SH3D19: variants seen among roughly 807,000 people sequenced by gnomAD.
SH3D19 encodes the protein SH3 domain-containing protein 19.
A neutral mutation model predicts 112.1 loss-of-function variants in SH3D19; 58 were observed. The ratio of observed to expected loss-of-function variants is 0.52; its 90% confidence interval spans 0.42 to 0.64. SH3D19 has a LOEUF of 0.64. Ranked by LOEUF, SH3D19 falls within the 30% of genes least tolerant of loss-of-function variation. The pLI is 0.00. For synonymous variants in SH3D19, 391 were observed against 448.5 expected, an observed-to-expected ratio of 0.87 and a Z score of 1.62; for missense variants, 1,090 against 1,263.4, an observed-to-expected ratio of 0.86 and a Z score of 2.08.
At chr4:151,166,350 G>A (rs1320644238) in intron 7 of SH3D19, 1 of 152,164 alleles carries the variant, frequency 6.6e-6, no homozygotes, top group East Asian at 1.9e-4. Flanking sequence ...GGTTGTCATT[G>A]AAAGTAATGC....
At position 151,175,569 on chromosome 4, in the gene SH3D19, G is replaced by C; in HGVS notation, c.635C>G (p.Pro212Arg). ...AGCACTGGGGTTTTCTGGACAATTC[G>C]GTTCTTCAGAAATATCAAAGACGAT... ...PLIVFDISEE[P>R]NCPENPSATR... The change falls in exon 7 of 20, where the codon CCG (proline) becomes CGG (arginine). Residue 212 changes from proline to arginine, a missense_variant. Physicochemically the swap from Pro to Arg is moderately radical, Grantham distance 103. Coordinates refer to ENST00000604030, the MANE Select transcript of SH3D19 (RefSeq NM_001378122.1). The C allele has an allele frequency of 7.4e-7, 1 of 1,345,910 alleles. No individual in the cohort carries two copies. The highest frequency in any genetic ancestry group is 9.5e-7 in the Non-Finnish European group (1 of 1,055,554). The allele number at this position is 1,345,910 out of a possible 1,614,324, so 83.4% of individuals were successfully genotyped here.
chr4:151,279,202 G>C, intron 1 of SH3D19: 1 of 263,010 alleles, frequency 3.8e-6, no homozygotes. Context: ...ACTAGAGAAA[G>C]AAGAGAAAGA....
chr4:151,261,963 T>G (rs1772413372), intron 1 of SH3D19, among the ~76,000 whole-genome samples: 2 of 152,198 alleles, frequency 1.3e-5, no homozygotes, highest in Non-Finnish European at 2.9e-5. Context: ...AGAGTACAGC[T>G]TCATTTCTGG....
intron 2 of SH3D19, among the ~76,000 whole-genome samples, chr4:151,213,672 A>T (rs1766355350): frequency 1.3e-5 from 2 of 148,172 alleles, no homozygotes; most frequent in Non-Finnish European, 3.0e-5. Flanking sequence ...ATATGAATTA[A>T]TTAATTAATT....
At position 151,233,931 on chromosome 4, in the gene SH3D19, T is replaced by C. The variant is rs183506851; in HGVS notation, c.113-7845A>G. Among the ~76,000 whole-genome samples the C allele has an allele frequency of 6.6e-5, 10 of 152,356 alleles. No homozygotes were observed. In the East Asian group the frequency reaches 1.2e-3, roughly 18 times the overall value. On this transcript the variant is annotated intron_variant, in intron 1 of 19. Coordinates refer to ENST00000604030, the MANE Select transcript of SH3D19 (RefSeq NM_001378122.1). ...ACAGTCAGTACTCTGTAATGTTTGT[T>C]CATAATGGTACTATCCAATGCCCTC...
At chr4:151,235,885 C>A (rs1038810674) in intron 1 of SH3D19, among the ~76,000 whole-genome samples, 1 of 152,222 alleles carries the variant, frequency 6.6e-6, no homozygotes, top group African/African-American at 2.4e-5. Flanking sequence ...TCCACTCTCC[C>A]AGGAAACCAA....
intron 17 of SH3D19, among the ~76,000 whole-genome samples, chr4:151,131,245 T>C (rs1346414080): frequency 1.3e-5 from 2 of 151,896 alleles, no homozygotes; most frequent in Admixed American, 6.6e-5. Context: ...TAAAACCCTA[T>C]CTCATTTTTT....
chr4:151,249,146 G>A (rs977796373), intron 1 of SH3D19, among the ~76,000 whole-genome samples: 2 of 152,134 alleles, frequency 1.3e-5, no homozygotes, highest in Non-Finnish European at 2.9e-5. Flanking sequence ...TCACAATAAA[G>A]GTATTCAAAA....
chr4:151,316,278 T>A (rs1314123031), intron 1 of SH3D19, among the ~76,000 whole-genome samples: 1 of 152,050 alleles, frequency 6.6e-6, no homozygotes, highest in East Asian at 1.9e-4. Context: ...GTCAGGGTCA[T>A]CAAAAACAAG....
At chr4:151,213,292 G>A (rs938975931) in intron 2 of SH3D19, among the ~76,000 whole-genome samples, 5 of 152,208 alleles carry the variant, frequency 3.3e-5, no homozygotes, top group Non-Finnish European at 7.3e-5. Context: ...ATTGCATGCT[G>A]CAGAGAAACT....
intron 2 of SH3D19, among the ~76,000 whole-genome samples, chr4:151,223,317 T>C (rs541079157): frequency 2.0e-5 from 3 of 152,298 alleles, no homozygotes; most frequent in South Asian, 2.1e-4. Context: ...TACAAAATGA[T>C]GATTTTCTAA....
At chr4:151,137,085 T>G (rs1752018239) in intron 14 of SH3D19, among the ~76,000 whole-genome samples, 1 of 152,330 alleles carries the variant, frequency 6.6e-6, no homozygotes, top group African/African-American at 2.4e-5. Context: ...TATCCCCATG[T>G]TTCACACAGC....
At chr4:151,320,713 GT>G (rs1218674630) in intron 1 of SH3D19, among the ~76,000 whole-genome samples, 8 of 151,836 alleles carry the variant, frequency 5.3e-5, no homozygotes, top group African/African-American at 1.7e-4. Context: ...GCAAAATGCT[GT>G]GGTATATATT....
chr4:151,279,789 T>C, intron 1 of SH3D19: 6 of 1,613,552 alleles, frequency 3.7e-6, no homozygotes, highest in Non-Finnish European at 5.1e-6. Flanking sequence ...TTCTTCTCTT[T>C]CTCTAGTGTG....
At chr4:151,172,419 T>C (rs1484052902) in intron 7 of SH3D19, among the ~76,000 whole-genome samples, 2 of 152,024 alleles carry the variant, frequency 1.3e-5, no homozygotes, top group African/African-American at 4.8e-5. Flanking sequence ...TGGGCTCAAT[T>C]TGGGAGGCCA....
At chr4:151,307,747 GA>G (rs1381395508) in intron 1 of SH3D19, among the ~76,000 whole-genome samples, 1 of 152,228 alleles carries the variant, frequency 6.6e-6, no homozygotes, top group Non-Finnish European at 1.5e-5. Context: ...AAAGAAACAG[GA>G]AAACGTGAAG....
At chr4:151,288,164 CTAAAATACTTCGTGG>C (rs1382661276) in intron 1 of SH3D19, among the ~76,000 whole-genome samples, 3 of 152,012 alleles carry the variant, frequency 2.0e-5, no homozygotes, top group East Asian at 1.9e-4. Flanking sequence ...AAACCCACAG[CTAAAATACTTCGTGG>C]TAAAATACTA....
intron 15 of SH3D19, among the ~76,000 whole-genome samples, chr4:151,133,450 G>A (rs1394776311): frequency 3.3e-5 from 5 of 152,160 alleles, no homozygotes; most frequent in African/African-American, 1.2e-4. Flanking sequence ...GCTCAAGGTC[G>A]CGGAGTGCAC....
intron 1 of SH3D19, among the ~76,000 whole-genome samples, chr4:151,251,015 C>A (rs1771336535): frequency 6.6e-6 from 1 of 152,078 alleles, no homozygotes; most frequent in African/African-American, 2.4e-5. Flanking sequence ...ACCTATCCCT[C>A]CTCCATTCAC....
Sources: gnomAD v4.1 joint callset for allele counts (sites outside exome capture counted in the v4.1 genomes callset) on GRCh38, gnomAD v4.1.1 for gene constraint, MANE v1.5 for transcripts, NCBI Gene and HGNC (gene_info 2026-07-23, HGNC 2026-07-21) for gene names.